The following ANO2 variants were observed in gnomAD, a reference collection of about 807,000 sequenced individuals.
The protein encoded by ANO2 is anoctamin 2.
A neutral mutation model predicts 124.2 loss-of-function variants in ANO2; 101 were observed. The ratio of observed to expected loss-of-function variants is 0.81; its 90% CI spans 0.69 to 0.96. The LOEUF (loss-of-function observed/expected upper bound fraction) is 0.96, where lower values mean the gene tolerates loss of function less well. Ranked by LOEUF, ANO2 falls within the 40% of genes least tolerant of loss-of-function variation. The pLI, the probability that ANO2 is intolerant of heterozygous loss-of-function variation, is 0.00. For missense variants in ANO2, 1,293 were observed against 1,274.5 expected (o/e 1.01, Z -0.22); for synonymous variants, 486 against 482.5 (o/e 1.01, Z -0.09).
chr12:5,922,647 G>A lies in ANO2; in HGVS notation c.180C>T (p.Cys60=), dbSNP rs779647848. 8.4e-6 allele frequency: 11 copies of A among 1,303,060 alleles called. No individual in the cohort carries two copies. Among genetic ancestry groups the A allele is most frequent in the East Asian group, 5.4e-5 (1 of 18,568 alleles). The allele number at this position is 1,303,060 out of a possible 1,614,324, so 80.7% of individuals were successfully genotyped here. The part of the protein sequence containing the change: ...GGSNRDPGQP[C]GGESTRSSSV... The stretch of plus-strand genomic sequence containing the variant: ...AGCTGCTGCGGGTGCTCTCTCCACC[G>A]CAGGGCTGGCCAGGATCTCTGTTGG... The change falls in exon 2 of 25, where the codon TGC becomes TGT. Residue 60 remains cysteine (C), a synonymous_variant. Transcript: ENST00000682330.
At chr12:5,571,273 G>C (rs1468305518) in intron 23 of ANO2, among the ~76,000 whole-genome samples, 3 of 152,238 alleles carry the variant, frequency 2.0e-5, no homozygotes, top group African/African-American at 7.2e-5. Flanking sequence ...CTTCGACCCT[G>C]TCAAATGCTG....
At chr12:5,867,426 A>AT (rs1213318466) in intron 3 of ANO2, among the ~76,000 whole-genome samples, 1 of 152,206 alleles carries the variant, frequency 6.6e-6, no homozygotes, top group Non-Finnish European at 1.5e-5. Flanking sequence ...TATTTAATGG[A>AT]TGAAGTGAGA....
At chr12:5,874,733 G>A (rs1937974776) in intron 3 of ANO2, among the ~76,000 whole-genome samples, 1 of 152,170 alleles carries the variant, frequency 6.6e-6, no homozygotes, top group African/African-American at 2.4e-5. Context: ...CCTCTGAACT[G>A]TGTTAGTTGT....
intron 3 of ANO2, among the ~76,000 whole-genome samples, chr12:5,889,119 G>A (rs902530650): frequency 3.9e-5 from 6 of 152,344 alleles, no homozygotes; most frequent in Non-Finnish European, 2.9e-5. Flanking sequence ...GCCCACGGCC[G>A]GCGGGCCGGC....
chr12:5,831,124 G>A (rs1410544450), intron 5 of ANO2, among the ~76,000 whole-genome samples: 1 of 152,200 alleles, frequency 6.6e-6, no homozygotes, highest in Non-Finnish European at 1.5e-5. Flanking sequence ...TGTTTGTCAT[G>A]CTGAGGAAGC....
At chr12:5,823,281 G>A (rs780661149) in intron 7 of ANO2, among the ~76,000 whole-genome samples, 1 of 152,132 alleles carries the variant, frequency 6.6e-6, no homozygotes, top group Non-Finnish European at 1.5e-5. Context: ...AAAGTCCACA[G>A]TCCAAAGTCT....
At position 5,623,312 on chromosome 12, in the gene ANO2, G is replaced by A. The variant is rs891431902; in HGVS notation, c.1817-8015C>T. ...ACGTGCCCCCTAACATAGCACCTCC[G>A]CCGGGAAGCACCCCAGGTTGATTAG... is the stretch of plus-strand genomic sequence containing the variant. On this transcript the variant is annotated intron_variant, in intron 16 of 24. Transcript: ENST00000682330. 2.1e-4 allele frequency among the ~76,000 whole-genome samples: 32 copies of A among 152,164 alleles called. No individual in the cohort carries two copies. In the East Asian group the frequency reaches 4.5e-3, roughly 21 times the overall value.
At chr12:5,711,234 C>CCCTCAGGAATGTCTTGGTG (rs1268622542) in intron 14 of ANO2, among the ~76,000 whole-genome samples, 15 of 151,924 alleles carry the variant, frequency 9.9e-5, no homozygotes, top group Non-Finnish European at 1.3e-4. Flanking sequence ...AGGGGCAGAT[C>CCCTCAGGAATGTCTTGGTG]CCTCAGGAAT....
chr12:5,839,696 T>C (rs2073931907), intron 4 of ANO2: 2 of 452,290 alleles, frequency 4.4e-6, no homozygotes, highest in African/African-American at 2.0e-5. Context: ...TGGAATGTTT[T>C]GCAGTGTACC....
At chr12:5,869,556 T>G (rs924908752) in intron 3 of ANO2, among the ~76,000 whole-genome samples, 25 of 152,356 alleles carry the variant, frequency 1.6e-4, no homozygotes, top group Non-Finnish European at 2.4e-4. Flanking sequence ...GAGATCTCTC[T>G]GTCCTTATCT....
chr12:5,891,024 C>G (rs1591751142), intron 3 of ANO2, among the ~76,000 whole-genome samples: 1 of 152,182 alleles, frequency 6.6e-6, no homozygotes, highest in African/African-American at 2.4e-5. Context: ...CTCTCTCCAC[C>G]TTTGGGGTAT....
chr12:5,732,703 A>C, intron 13 of ANO2, 73 bp from the exon 14 acceptor site: 1 of 1,534,516 alleles, frequency 6.5e-7, no homozygotes, highest in African/African-American at 1.4e-5. Flanking sequence ...ATAACCAGAC[A>C]CATGTACATT....
intron 13 of ANO2, among the ~76,000 whole-genome samples, chr12:5,737,390 C>T (rs962014503): frequency 1.3e-5 from 2 of 152,232 alleles, no homozygotes; most frequent in South Asian, 2.1e-4. Flanking sequence ...AACCTGGCTA[C>T]AGAAAGAAAA....
Position 5,734,907 on chromosome 12 carries a change from C to A in ANO2, c.1435-2277G>T, listed in dbSNP as rs577527064. Reference sequence around the variant, plus strand: ...TCAGGTGATCCACCCGCCTCGGCCTCCCAAAGTGCTGGGATTACAGGCGTG... The same window carrying A: ...TCAGGTGATCCACCCGCCTCGGCCTACCAAAGTGCTGGGATTACAGGCGTG... On this transcript the variant is annotated intron_variant, in intron 13 of 24. Coordinates refer to ENST00000682330, the MANE Select transcript of ANO2 (RefSeq NM_001364791.2). 4.6e-5 allele frequency among the ~76,000 whole-genome samples: 7 copies of A among 152,326 alleles called. No homozygotes were observed. The East Asian group carries it at 9.6e-4, about 21-fold the overall frequency.
chr12:5,738,975 A>T (rs554617626), intron 13 of ANO2: 1 of 412,064 alleles, frequency 2.4e-6, no homozygotes, highest in Non-Finnish European at 4.8e-6. Context: ...GCATTCTGAC[A>T]TATCCCTGAC....
chr12:5,694,448 A>G (rs988150697), intron 14 of ANO2, among the ~76,000 whole-genome samples: 1 of 152,096 alleles, frequency 6.6e-6, no homozygotes, highest in African/African-American at 2.4e-5. Context: ...CAGGCCTCCT[A>G]AGACCCACGC....
chr12:5,849,682 G>T lies in ANO2; in HGVS notation c.633+4361C>A, dbSNP rs114468172. On this transcript the variant is annotated intron_variant, in intron 4 of 24. Transcript: ENST00000682330. ...TCCCTGGACACATTACAATGGATTTGTCCAGGTTTGAGATCTCGATTTTGT... is the reference window on the plus strand; with the variant it reads ...TCCCTGGACACATTACAATGGATTTTTCCAGGTTTGAGATCTCGATTTTGT... 8.4e-3 allele frequency among the ~76,000 whole-genome samples: 1,282 copies of T among 152,180 alleles called. 16 individuals carry two copies. Among genetic ancestry groups the T allele is most frequent in the African/African-American group, 0.029 (1,217 of 41,506 alleles).
intron 7 of ANO2, among the ~76,000 whole-genome samples, chr12:5,822,068 C>T (rs1953817525): frequency 6.6e-6 from 1 of 152,184 alleles, no homozygotes; most frequent in Admixed American, 6.5e-5. Flanking sequence ...TGCAGCAGCA[C>T]TACAGCCCCT....
chr12:5,689,759 G>A (rs986812518), intron 14 of ANO2, among the ~76,000 whole-genome samples: 1 of 152,150 alleles, frequency 6.6e-6, no homozygotes, highest in Non-Finnish European at 1.5e-5. Flanking sequence ...CACAGTCTTT[G>A]ATCTTCCCTG....
Sources: gnomAD v4.1 joint callset for allele counts (sites outside exome capture counted in the v4.1 genomes callset) on GRCh38, gnomAD v4.1.1 for gene constraint, MANE v1.5 for transcripts, NCBI Gene and HGNC (gene_info 2026-07-23, HGNC 2026-07-21) for gene names.